SLC25A38: variants seen among roughly 807,000 people sequenced by gnomAD.
The protein encoded by SLC25A38 is mitochondrial glycine transporter.
SLC25A38 carries 27 observed loss-of-function variants against 33.4 expected under a neutral mutation model. The observed-to-expected ratio is 0.81, with a 90% CI of 0.60 to 1.11. The LOEUF (loss-of-function observed/expected upper bound fraction) is 1.11, where lower values mean the gene tolerates loss of function less well. SLC25A38 is among the 50% of genes most tolerant of loss of function. The pLI is 0.00. For missense variants in SLC25A38, 344 were observed against 388.8 expected (o/e 0.88, Z 0.97); for synonymous variants, 123 against 145.9 (o/e 0.84, Z 1.13).
At chr3:39,385,419 C>A (rs1171237686) in intron 1 of SLC25A38, among the ~76,000 whole-genome samples, 1 of 152,146 alleles carries the variant, frequency 6.6e-6, no homozygotes, top group East Asian at 1.9e-4. Context: ...AGGTCAAGGA[C>A]AGCAGCAAAT....
rs1451637693 is a variant in SLC25A38 at position 39,391,867 on chromosome 3, C to T, written c.471C>T (p.Gly157=). The T allele has an allele frequency of 6.2e-7, 1 of 1,613,554 alleles. No individual in the cohort carries two copies. The highest frequency in any genetic ancestry group is 8.5e-7 in the Non-Finnish European group (1 of 1,179,972). Residue 157 remains glycine (G), a synonymous_variant, in exon 5 of 7, where the codon GGC becomes GGT. Transcript: ENST00000650617. ...IKTRYESGKY[G]YESIYAALRS... ...TCTCTTTGCAGAGTGGGAAATATGG[C>T]TATGAGAGTATCTACGCTGCCCTGA...
rs911898975 is a variant in SLC25A38, at chr3:39,389,099, G to A, written c.70-396G>A. ...TATAAATACCTATAGGTCTTAGAGC[G>A]AAGGGAGTCTGCACATCATCAGTTC... is the stretch of plus-strand genomic sequence containing the variant. On this transcript the variant is annotated intron_variant, in intron 1 of 6. Transcript: ENST00000650617. This position sits in a 1 kb window ranked among gnomAD's most constrained non-coding sequence, Gnocchi z 4.5. Among the ~76,000 whole-genome samples, 1 of 152,214 alleles carries A rather than the reference G, an allele frequency of 6.6e-6. No homozygotes were observed. The highest frequency in any genetic ancestry group is 1.5e-5 in the Non-Finnish European group (1 of 68,040).
At chr3:39,391,795 T>C (rs2041772100) in intron 4 of SLC25A38, 58 bp from the exon 5 acceptor site, 2 of 1,611,994 alleles carry the variant, frequency 1.2e-6, no homozygotes, top group African/African-American at 2.7e-5. Context: ...AGTCTGCTTG[T>C]TCAGTGCTGA....
In SLC25A38 at chr3:39,383,809, G is replaced by T. The variant is rs753702625; in HGVS notation, c.69+16G>T. The T allele has an allele frequency of 2.1e-5, 34 of 1,613,890 alleles. No individual in the cohort carries two copies. The highest frequency in any genetic ancestry group is 2.1e-5 in the Non-Finnish European group (25 of 1,179,908). Reference sequence around the variant, plus strand: ...AACGCTTATGGTGAGGGCACTGCGGGGAAGGAAGGGCAGGGGTCCGAACCG... The same window carrying T: ...AACGCTTATGGTGAGGGCACTGCGGTGAAGGAAGGGCAGGGGTCCGAACCG... On this transcript the variant is annotated intron_variant, in intron 1 of 6. Coordinates refer to ENST00000650617, the MANE Select transcript of SLC25A38 (RefSeq NM_017875.4).
At chr3:39,390,045 A>G (rs921891619) in intron 2 of SLC25A38, among the ~76,000 whole-genome samples, 6 of 152,150 alleles carry the variant, frequency 3.9e-5, no homozygotes, top group Non-Finnish European at 7.4e-5. Context: ...GGTTCAAGGG[A>G]TTCTCCTGCC....
chr3:39,384,276 T>C (rs1354308983), intron 1 of SLC25A38, among the ~76,000 whole-genome samples: 1 of 152,176 alleles, frequency 6.6e-6, no homozygotes, highest in Non-Finnish European at 1.5e-5. Flanking sequence ...CCTTCCAGCC[T>C]GTTGGGACGG....
intron 5 of SLC25A38, among the ~76,000 whole-genome samples, chr3:39,393,768 G>T (rs2041801307): frequency 6.6e-6 from 1 of 152,138 alleles, no homozygotes; most frequent in African/African-American, 2.4e-5. Flanking sequence ...GAAAGTGTTG[G>T]GATTACAGGC....
chr3:39,388,813 G>T (rs2041731224), intron 1 of SLC25A38, among the ~76,000 whole-genome samples: 6 of 152,144 alleles, frequency 3.9e-5, no homozygotes, highest in Admixed American at 3.9e-4. Flanking sequence ...ACTAAGGGAG[G>T]TATATTTAGT....
chr3:39,390,277 CAT>C (rs1559392308), intron 2 of SLC25A38, 144 bp from the exon 3 acceptor site: 6 of 818,796 alleles, frequency 7.3e-6, no homozygotes, highest in Non-Finnish European at 1.2e-5. Context: ...CCTACGAACA[CAT>C]AGAGTATCTC....
intron 1 of SLC25A38, among the ~76,000 whole-genome samples, chr3:39,388,113 C>T (rs1002405364): frequency 2.6e-5 from 4 of 152,078 alleles, no homozygotes; most frequent in Non-Finnish European, 5.9e-5. Context: ...AGAAGGGGGG[C>T]TCATTAATGC....
chr3:39,391,337 C>A, intron 3 of SLC25A38, 104 bp from the exon 4 acceptor site: 1 of 1,504,622 alleles, frequency 6.6e-7, no homozygotes, highest in Non-Finnish European at 9.2e-7. Context: ...TTAAACAAAG[C>A]ACTTGCATGC....
At position 39,396,865 on chromosome 3, in the gene SLC25A38, TG is replaced by T. The variant is rs796827653; in HGVS notation, c.*346del. The T allele has an allele frequency of 2.8e-4, 100 of 361,998 alleles. 1 individual carries two copies. Among genetic ancestry groups the T allele is most frequent in the African/African-American group, 2.0e-3 (94 of 47,468 alleles). The allele number at this position is 361,998 out of a possible 1,614,324, so 22.4% of individuals were successfully genotyped here. ...CTACACCACAGGGTCTCCTTGGGTA[TG>T]TTCTTGGGCAAGCAATCACAAAGCC... On this transcript the variant is annotated 3_prime_UTR_variant, in exon 7 of 7. Coordinates refer to ENST00000650617, the MANE Select transcript of SLC25A38 (RefSeq NM_017875.4).
In SLC25A38 at chr3:39,391,350, A is replaced by T. The variant is rs889227039; in HGVS notation, c.277-91A>T. ...CCTTAAACAAAGCACTTGCATGCGA[A>T]TCATCTTGGGGTCTTTTGGGAAAAC... is the stretch of plus-strand genomic sequence containing the variant. On this transcript the variant is annotated intron_variant, in intron 3 of 6. Coordinates refer to ENST00000650617, the MANE Select transcript of SLC25A38 (RefSeq NM_017875.4). 5.7e-6 allele frequency: 9 copies of T among 1,577,712 alleles called. No homozygotes were observed. In the Admixed American group the frequency reaches 6.7e-5, roughly 12 times the overall value.
chr3:39,385,808 G>C (rs576472313), intron 1 of SLC25A38, among the ~76,000 whole-genome samples: 1 of 152,356 alleles, frequency 6.6e-6, no homozygotes, highest in Admixed American at 6.5e-5. Context: ...GACAGGTGTT[G>C]CTGTAGAAGC....
At position 39,394,458 on chromosome 3, in the gene SLC25A38, T is replaced by C. The variant is rs766505056; in HGVS notation, c.674T>C (p.Ile225Thr). The change falls in exon 6 of 7, where the codon ATA becomes ACA. Residue 225 changes from isoleucine to threonine, a missense_variant. Ile to Thr is a moderately conservative substitution (Grantham distance 89, BLOSUM62 -1). Around this residue, in one of 2 missense-constraint regions of SLC25A38, gnomAD observed 75 missense variants for 117.0 expected, o/e 0.64. Transcript: ENST00000650617. Reference protein sequence around the residue: ...LIPITNFSCGIFAGILASLVT... With the variant: ...LIPITNFSCGTFAGILASLVT... Reference sequence around the variant, plus strand: ...CCTATTACAAATTTCAGCTGTGGGATATTTGCTGGTATTCTGGCCTCACTG... The same window carrying C: ...CCTATTACAAATTTCAGCTGTGGGACATTTGCTGGTATTCTGGCCTCACTG... The C allele has an allele frequency of 1.2e-6, 2 of 1,613,888 alleles. No homozygotes were observed. Among genetic ancestry groups the C allele is most frequent in the Non-Finnish European group, 1.7e-6 (2 of 1,180,030 alleles).
At chr3:39,395,492 C>T (rs1032285789) in intron 6 of SLC25A38, among the ~76,000 whole-genome samples, 1 of 152,086 alleles carries the variant, frequency 6.6e-6, no homozygotes, top group African/African-American at 2.4e-5. Context: ...GTATTGTTAT[C>T]ACAAAGCAGA....
chr3:39,393,846 G>A (rs960937619), intron 5 of SLC25A38, among the ~76,000 whole-genome samples: 3 of 152,142 alleles, frequency 2.0e-5, no homozygotes, highest in East Asian at 1.9e-4. Context: ...AATGTACTTC[G>A]TAGTAGTCCT....
chr3:39,394,270 C>T lies in SLC25A38; in HGVS notation c.626-140C>T, dbSNP rs551469532. 4.3e-5 allele frequency: 44 copies of T among 1,024,132 alleles called. No individual in the cohort carries two copies. The South Asian group carries it at 5.9e-4, about 14-fold the overall frequency. 63.4% of individuals were successfully genotyped at this position (1,024,132 alleles called of 1,614,324 possible). A position where few individuals can be genotyped will look rare whatever the true frequency, so the allele number is the denominator to read the frequency against. ...TCCATCCACATAAATTTACTAGTTG[C>T]ACCTTTAAGTTTTGAATTCGTAGCC... On this transcript the variant is annotated intron_variant, in intron 5 of 6. Transcript: ENST00000650617.
In SLC25A38 at chr3:39,384,289, C is replaced by T. The variant is rs1575240617; in HGVS notation, c.69+496C>T. Reference sequence around the variant, plus strand: ...ACCCTTCCAGCCTGTTGGGACGGCGCGTGGTCCCCCAGCGACGCCACGCCT... The same window carrying T: ...ACCCTTCCAGCCTGTTGGGACGGCGTGTGGTCCCCCAGCGACGCCACGCCT... On this transcript the variant is annotated intron_variant, in intron 1 of 6. Coordinates refer to ENST00000650617, the MANE Select transcript of SLC25A38 (RefSeq NM_017875.4). The T allele has an allele frequency of 1.5e-5, 3 of 198,460 alleles. No homozygotes were observed. In the South Asian group the frequency reaches 5.5e-4, roughly 36 times the overall value. The allele number at this position is 198,460 out of a possible 1,614,324, so 12.3% of individuals were successfully genotyped here. A position where few individuals can be genotyped will look rare whatever the true frequency, so the allele number is the denominator to read the frequency against.
Sources: gnomAD v4.1 joint callset for allele counts (sites outside exome capture counted in the v4.1 genomes callset) on GRCh38, gnomAD v4.1.1 for gene constraint, gnomAD v4.1.1 regional missense constraint, Gnocchi (gnomAD v3.1) non-coding constraint, MANE v1.5 for transcripts, NCBI Gene and HGNC (gene_info 2026-07-23, HGNC 2026-07-21) for gene names.